Variants in DPP10 observed in about 807,000 individuals in gnomAD.
The protein encoded by DPP10 is dipeptidyl peptidase like 10.
In DPP10, 33 loss-of-function variants were observed where a neutral mutation model predicts 120.9. The observed-to-expected ratio is 0.27, with a 90% CI of 0.21 to 0.37. The LOEUF is 0.37. Ranked by LOEUF, DPP10 falls within the 10% of genes least tolerant of loss-of-function variation. The pLI is 1.00. For synonymous variants in DPP10, 337 were observed against 326.1 expected (o/e 1.03, Z -0.36); for missense variants, 816 against 942.8 (o/e 0.87, Z 1.76).
At chr2:115,355,638 T>C (rs1312162537) in intron 3 of DPP10, among the ~76,000 whole-genome samples, 4 of 152,214 alleles carry the variant, frequency 2.6e-5, no homozygotes, top group Non-Finnish European at 5.9e-5. Context: ...CCCATGCCTA[T>C]GTCCTGAATG....
At chr2:115,301,497 T>C (rs2061132210) in intron 1 of DPP10, among the ~76,000 whole-genome samples, 2 of 144,546 alleles carry the variant, frequency 1.4e-5, no homozygotes, top group African/African-American at 5.1e-5. Context: ...TTAACTGCAC[T>C]CACTGTTCCA....
chr2:114,993,032 C>A (rs1700840585), intron 1 of DPP10, among the ~76,000 whole-genome samples: 1 of 152,132 alleles, frequency 6.6e-6, no homozygotes, highest in African/African-American at 2.4e-5. Context: ...TATGTCATAC[C>A]CTTTAATGTG....
chr2:114,968,408 A>C (rs199919047), intron 1 of DPP10, among the ~76,000 whole-genome samples: 21 of 152,166 alleles, frequency 1.4e-4, no homozygotes, highest in African/African-American at 4.8e-4. Flanking sequence ...TAATTTTTAC[A>C]TGTATTGCCC....
At chr2:115,053,409 A>T (rs1705661842) in intron 1 of DPP10, among the ~76,000 whole-genome samples, 1 of 152,256 alleles carries the variant, frequency 6.6e-6, no homozygotes, top group South Asian at 2.1e-4. Flanking sequence ...AATGTCCAGA[A>T]TAAATAGACA....
Position 114,911,373 on chromosome 2 carries a change from C to T in DPP10, c.61-397866C>T, listed in dbSNP as rs553645056. On this transcript the variant is annotated intron_variant, in intron 1 of 25. Transcript: ENST00000410059. The stretch of plus-strand genomic sequence containing the variant: ...TCTTCCATAGAAATTTATTAAGGAT[C>T]CACTCTTTGTCAGTCATGGTGCTTA... Among the ~76,000 whole-genome samples, 275 of 152,196 alleles carry T rather than the reference C, an allele frequency of 1.8e-3. 1 individual carries two copies. Among genetic ancestry groups the T allele is most frequent in the Middle Eastern group, 3.4e-3 (1 of 292 alleles).
chr2:115,727,154 T>C (rs1476901840), intron 7 of DPP10, among the ~76,000 whole-genome samples: 5 of 152,150 alleles, frequency 3.3e-5, no homozygotes, highest in Admixed American at 6.5e-5. Context: ...TTGTTGATAT[T>C]ATTTTGGCAG....
chr2:115,234,900 G>C (rs2057919324), intron 1 of DPP10, among the ~76,000 whole-genome samples: 1 of 152,118 alleles, frequency 6.6e-6, no homozygotes, highest in Admixed American at 6.5e-5. Context: ...AGGTGACCTT[G>C]ACATGAAAGT....
At chr2:114,939,444 T>C (rs2104554675) in intron 1 of DPP10, among the ~76,000 whole-genome samples, 1 of 152,300 alleles carries the variant, frequency 6.6e-6, no homozygotes, top group East Asian at 1.9e-4. Context: ...TTGACCTGTC[T>C]TATCCTGACA....
chr2:115,063,407 C>G (rs531200043), intron 1 of DPP10, among the ~76,000 whole-genome samples: 1 of 152,202 alleles, frequency 6.6e-6, no homozygotes, highest in African/African-American at 2.4e-5. Flanking sequence ...TCCCTTTTGT[C>G]AATTTTTTGC....
At chr2:114,553,253 C>G (rs1688030672) in intron 1 of DPP10, among the ~76,000 whole-genome samples, 1 of 152,240 alleles carries the variant, frequency 6.6e-6, no homozygotes, top group Non-Finnish European at 1.5e-5. Context: ...GCCAGCTTCT[C>G]CCGCTGTACC....
At chr2:115,429,249 G>A (rs1490007102) in intron 3 of DPP10, among the ~76,000 whole-genome samples, 1 of 151,168 alleles carries the variant, frequency 6.6e-6, no homozygotes, top group East Asian at 1.9e-4. Context: ...ATTAAAAATT[G>A]TATACGTGCA....
At chr2:115,593,673 A>T (rs1451543897) in intron 5 of DPP10, among the ~76,000 whole-genome samples, 2 of 152,238 alleles carry the variant, frequency 1.3e-5, no homozygotes, top group South Asian at 2.1e-4. Context: ...CTAATGGACA[A>T]GGCTAGAATC....
At chr2:114,774,924 T>C (rs1316713435) in intron 1 of DPP10, among the ~76,000 whole-genome samples, 1 of 152,036 alleles carries the variant, frequency 6.6e-6, no homozygotes, top group Non-Finnish European at 1.5e-5. Context: ...TCATACCATA[T>C]AATTCTCTAA....
chr2:115,339,589 A>G (rs2063339016), intron 2 of DPP10, among the ~76,000 whole-genome samples: 1 of 152,200 alleles, frequency 6.6e-6, no homozygotes, highest in South Asian at 2.1e-4. Flanking sequence ...GAAGAGTTAA[A>G]GAATGGTCTC....
chr2:114,898,334 T>A (rs1693223359), intron 1 of DPP10, among the ~76,000 whole-genome samples: 1 of 145,268 alleles, frequency 6.9e-6, no homozygotes, highest in East Asian at 2.3e-4. Context: ...AATATCACAC[T>A]CTGGGGACTG....
chr2:114,625,117 T>C (rs527283087), intron 1 of DPP10, among the ~76,000 whole-genome samples: 2 of 152,048 alleles, frequency 1.3e-5, no homozygotes, highest in African/African-American at 4.8e-5. Flanking sequence ...CAAGTAAGAT[T>C]CATATGGTAG....
At chr2:114,449,888 C>T (rs975851415) in intron 1 of DPP10, among the ~76,000 whole-genome samples, 6 of 152,036 alleles carry the variant, frequency 3.9e-5, no homozygotes, top group Admixed American at 2.6e-4. Flanking sequence ...TGAAGTCACC[C>T]GGGGGATGAA....
chr2:115,482,309 C>A (rs1274530807), intron 3 of DPP10, among the ~76,000 whole-genome samples: 1 of 99,212 alleles, frequency 1.0e-5, no homozygotes, highest in Non-Finnish European at 2.7e-5. Context: ...TATCTGCATA[C>A]ATAGTAAAAT....
At chr2:115,694,955 T>A (rs1420984370) in intron 7 of DPP10, among the ~76,000 whole-genome samples, 1 of 152,184 alleles carries the variant, frequency 6.6e-6, no homozygotes, top group Non-Finnish European at 1.5e-5. Context: ...TTGCCCCTTC[T>A]CATTATGAAA....
Sources: gnomAD v4.1 joint callset for allele counts (sites outside exome capture counted in the v4.1 genomes callset) on GRCh38, gnomAD v4.1.1 for gene constraint, MANE v1.5 for transcripts, NCBI Gene and HGNC (gene_info 2026-07-23, HGNC 2026-07-21) for gene names.